Variants in SPAG16 observed in about 807,000 individuals in gnomAD.
SPAG16 encodes the protein sperm-associated antigen 16 protein.
A neutral mutation model predicts 80.4 loss-of-function variants in SPAG16; 86 were observed. That is an observed-to-expected ratio of 1.07 (90% confidence interval 0.90 to 1.28). The LOEUF (loss-of-function observed/expected upper bound fraction) is 1.28, where lower values mean the gene tolerates loss of function less well. Ranked by LOEUF, SPAG16 falls within the 50% of genes most tolerant of loss-of-function variation. SPAG16 has a pLI of 0.00. For synonymous variants in SPAG16, 294 were observed against 265.9 expected (o/e 1.11, Z -1.03); for missense variants, 870 against 765.3 (o/e 1.14, Z -1.61).
chr2:213,513,707 C>A (rs74878356), intron 10 of SPAG16, among the ~76,000 whole-genome samples: 1 of 152,106 alleles, frequency 6.6e-6, no homozygotes, highest in Admixed American at 6.5e-5. Context: ...AAGCACATAG[C>A]GGAATCTCTG....
intron 10 of SPAG16, among the ~76,000 whole-genome samples, chr2:213,850,684 T>C (rs1486675907): frequency 2.8e-5 from 4 of 140,540 alleles, no homozygotes; most frequent in South Asian, 2.5e-4. Context: ...AGAAGAGAAA[T>C]TCTGTTTTTT....
intron 10 of SPAG16, among the ~76,000 whole-genome samples, chr2:213,859,371 G>A (rs1043580056): frequency 6.6e-6 from 1 of 151,844 alleles, no homozygotes; most frequent in African/African-American, 2.4e-5. Context: ...TCCTCCCTTG[G>A]TTTCTCTGGC....
intron 14 of SPAG16, among the ~76,000 whole-genome samples, chr2:214,130,495 C>T (rs1203722890): frequency 1.3e-5 from 2 of 152,166 alleles, no homozygotes; most frequent in East Asian, 1.9e-4. Flanking sequence ...TTCTGACATA[C>T]AGAGTGATGC....
chr2:214,155,291 G>A (rs561579722), intron 15 of SPAG16, among the ~76,000 whole-genome samples: 4 of 152,252 alleles, frequency 2.6e-5, no homozygotes, highest in South Asian at 4.1e-4. Flanking sequence ...ATTTGTGTTC[G>A]CACCAACAAG....
At chr2:213,865,064 C>G (rs1280868840) in intron 11 of SPAG16, among the ~76,000 whole-genome samples, 1 of 151,974 alleles carries the variant, frequency 6.6e-6, no homozygotes, top group East Asian at 1.9e-4. Flanking sequence ...TTCAAGGTAT[C>G]TCTCTCAACT....
intron 15 of SPAG16, among the ~76,000 whole-genome samples, chr2:214,283,063 T>C (rs559094882): frequency 6.6e-6 from 1 of 152,122 alleles, no homozygotes; most frequent in African/African-American, 2.4e-5. Context: ...AAATTATATA[T>C]GTAAGAAAAG....
chr2:213,495,204 A>G (rs1379684903), intron 10 of SPAG16, among the ~76,000 whole-genome samples: 1 of 152,200 alleles, frequency 6.6e-6, no homozygotes, highest in African/African-American at 2.4e-5. Context: ...GAACTTGGGA[A>G]TTTGGCCATG....
chr2:214,253,408 G>A (rs1157050397), intron 15 of SPAG16, among the ~76,000 whole-genome samples: 1 of 152,048 alleles, frequency 6.6e-6, no homozygotes, highest in Non-Finnish European at 1.5e-5. Flanking sequence ...TATTCCCTAG[G>A]TTTTCTTCCA....
intron 12 of SPAG16, among the ~76,000 whole-genome samples, chr2:213,981,498 A>G (rs2045742037): frequency 6.6e-6 from 1 of 152,018 alleles, no homozygotes; most frequent in Non-Finnish European, 1.5e-5. Context: ...GAGTTTCATT[A>G]TTGCTGCTAT....
intron 15 of SPAG16, among the ~76,000 whole-genome samples, chr2:214,381,136 T>C (rs1700425950): frequency 6.6e-6 from 1 of 152,212 alleles, no homozygotes; most frequent in Non-Finnish European, 1.5e-5. Flanking sequence ...AAAGTATTGA[T>C]TAGCATGATT....
intron 10 of SPAG16, among the ~76,000 whole-genome samples, chr2:213,605,077 AT>A (rs1167842617): frequency 6.6e-6 from 1 of 151,482 alleles, no homozygotes; most frequent in East Asian, 1.9e-4. Flanking sequence ...TTATTGATTG[AT>A]TGATTTGTGG....
intron 15 of SPAG16, among the ~76,000 whole-genome samples, chr2:214,215,246 A>G (rs1214613695): frequency 1.3e-5 from 2 of 151,942 alleles, no homozygotes; most frequent in African/African-American, 2.4e-5. Flanking sequence ...TGCTTGTCCC[A>G]ACTGATCAGC....
chr2:214,127,626 T>C (rs1220703572), intron 14 of SPAG16, among the ~76,000 whole-genome samples: 2 of 151,920 alleles, frequency 1.3e-5, no homozygotes, highest in Non-Finnish European at 2.9e-5. Flanking sequence ...TACATGGCAA[T>C]GCATTTTATT....
At chr2:214,235,771 T>C (rs551536703) in intron 15 of SPAG16, among the ~76,000 whole-genome samples, 22 of 152,344 alleles carry the variant, frequency 1.4e-4, no homozygotes, top group African/African-American at 5.3e-4. Context: ...AGGTTTTATT[T>C]TTTTATACAA....
chr2:214,295,536 A>G (rs1026641461), intron 15 of SPAG16, among the ~76,000 whole-genome samples: 72 of 152,282 alleles, frequency 4.7e-4, no homozygotes, highest in African/African-American at 1.6e-3. Flanking sequence ...CATGCCTGTA[A>G]TCCTAGCACT....
intron 10 of SPAG16, among the ~76,000 whole-genome samples, chr2:213,758,315 A>C (rs1204508739): frequency 6.6e-6 from 1 of 152,066 alleles, no homozygotes; most frequent in Non-Finnish European, 1.5e-5. Context: ...CACAATTCAT[A>C]CAAAAAATTA....
chr2:214,370,475 T>C (rs1699739456), intron 15 of SPAG16, among the ~76,000 whole-genome samples: 1 of 152,152 alleles, frequency 6.6e-6, no homozygotes. Context: ...AAATTTATGG[T>C]GTACAATGTG....
intron 10 of SPAG16, among the ~76,000 whole-genome samples, chr2:213,834,561 G>A (rs2073973118): frequency 6.6e-6 from 1 of 152,166 alleles, no homozygotes; most frequent in Non-Finnish European, 1.5e-5. Flanking sequence ...TTTCAGGACA[G>A]ATGAGTAAGA....
At chr2:213,686,460 A>G (rs903334509) in intron 10 of SPAG16, among the ~76,000 whole-genome samples, 9 of 151,998 alleles carry the variant, frequency 5.9e-5, no homozygotes, top group Non-Finnish European at 8.8e-5. Flanking sequence ...TATTTTTCTT[A>G]TATTGTCATC....
Sources: gnomAD v4.1 joint callset for allele counts (sites outside exome capture counted in the v4.1 genomes callset) on GRCh38, gnomAD v4.1.1 for gene constraint, MANE v1.5 for transcripts, NCBI Gene and HGNC (gene_info 2026-07-23, HGNC 2026-07-21) for gene names.